Variants in SUSD1 observed in about 807,000 individuals in gnomAD.
SUSD1 encodes sushi domain containing 1.
SUSD1 carries 65 observed loss-of-function variants against 86.9 expected under a neutral mutation model. The ratio of observed to expected loss-of-function variants is 0.75; its 90% CI spans 0.61 to 0.92. The LOEUF (loss-of-function observed/expected upper bound fraction) is 0.92. Among genes scored for constraint, SUSD1 ranks in the 40% least tolerant of loss-of-function variants. The pLI is 0.00. For synonymous variants in SUSD1, 346 were observed against 350.0 expected (o/e 0.99, Z 0.13); for missense variants, 850 against 929.7 (o/e 0.91, Z 1.11).
chr9:112,081,614 G>A (rs182224786), intron 10 of SUSD1, among the ~76,000 whole-genome samples: 6 of 152,266 alleles, frequency 3.9e-5, no homozygotes, highest in African/African-American at 1.4e-4. Context: ...ACAAAAAGGT[G>A]GAAGGGTCCC....
chr9:112,085,248 C>A (rs911353102), intron 10 of SUSD1, among the ~76,000 whole-genome samples: 8 of 152,160 alleles, frequency 5.3e-5, no homozygotes, highest in Non-Finnish European at 1.0e-4. Context: ...TGCATTTCAC[C>A]TAGGAGAGAA....
At chr9:112,099,566 C>T (rs903904648) in intron 9 of SUSD1, among the ~76,000 whole-genome samples, 2 of 152,184 alleles carry the variant, frequency 1.3e-5, no homozygotes, top group Non-Finnish European at 2.9e-5. Flanking sequence ...GGAGTCATAT[C>T]ACACACTGTC....
chr9:112,143,656 T>C lies in SUSD1; in HGVS notation c.374-33A>G. On this transcript the variant is annotated intron_variant, in intron 3 of 16. Transcript: ENST00000374270. Reference sequence around the variant, plus strand: ...CCCAATCCAAATAGAGAAAAGGAGATAAAAACAGAAAAAAGAAAAAAAAAA... The same window carrying C: ...CCCAATCCAAATAGAGAAAAGGAGACAAAAACAGAAAAAAGAAAAAAAAAA... 3 of 1,539,688 alleles carry C rather than the reference T, an allele frequency of 1.9e-6. No individual in the cohort carries two copies. The Admixed American group carries it at 6.6e-5, about 34-fold the overall frequency.
intron 15 of SUSD1, among the ~76,000 whole-genome samples, chr9:112,042,321 T>C (rs1827778454): frequency 6.6e-6 from 1 of 152,342 alleles, no homozygotes; most frequent in South Asian, 2.1e-4. Flanking sequence ...CGTTTTCTTT[T>C]GCATGGAGGG....
At chr9:112,044,908 AACAT>A (rs1229575638) in intron 15 of SUSD1, among the ~76,000 whole-genome samples, 1 of 152,260 alleles carries the variant, frequency 6.6e-6, no homozygotes, top group African/African-American at 2.4e-5. Flanking sequence ...GCAAGAAGTT[AACAT>A]ACAGAGAGTG....
At chr9:112,050,662 C>A (rs1302388146) in intron 15 of SUSD1, among the ~76,000 whole-genome samples, 1 of 152,098 alleles carries the variant, frequency 6.6e-6, no homozygotes, top group Non-Finnish European at 1.5e-5. Context: ...AACTTGACAG[C>A]CTGTTGCTAG....
chr9:112,164,053 T>G (rs1589751604), intron 1 of SUSD1, among the ~76,000 whole-genome samples: 2 of 151,264 alleles, frequency 1.3e-5, no homozygotes, highest in Admixed American at 6.6e-5. Context: ...AGCTGGAAAA[T>G]GGCTATTTCA....
intron 8 of SUSD1, among the ~76,000 whole-genome samples, chr9:112,105,611 C>T (rs1830805517): frequency 6.6e-6 from 1 of 152,136 alleles, no homozygotes; most frequent in African/African-American, 2.4e-5. Context: ...CCCAGCCACT[C>T]AGGAGGCTGA....
At chr9:112,051,431 T>TTTTTTTTTTG (rs1828201117) in intron 15 of SUSD1, among the ~76,000 whole-genome samples, 2 of 109,766 alleles carry the variant, frequency 1.8e-5, no homozygotes, top group African/African-American at 6.8e-5. Flanking sequence ...TTTTTTTTTT[T>TTTTTTTTTTG]TTGTTGTTGT....
chr9:112,086,260 G>A (rs904196366), intron 10 of SUSD1, among the ~76,000 whole-genome samples: 4 of 149,234 alleles, frequency 2.7e-5, no homozygotes, highest in African/African-American at 9.9e-5. Flanking sequence ...CAAAGCTGCA[G>A]TGAGATGTGT....
chr9:112,152,749 A>ATT (rs1731913056), intron 2 of SUSD1, among the ~76,000 whole-genome samples: 5 of 78,264 alleles, frequency 6.4e-5, no homozygotes, highest in African/African-American at 2.9e-4. Flanking sequence ...ATTTTTTTTA[A>ATT]TCTTTTTTTT....
intron 1 of SUSD1, among the ~76,000 whole-genome samples, chr9:112,168,023 A>G (rs1311862984): frequency 6.6e-6 from 1 of 152,222 alleles, no homozygotes; most frequent in Non-Finnish European, 1.5e-5. Flanking sequence ...CCATGATTGA[A>G]TCATCTCTCC....
chr9:112,159,923 T>TA (rs557046092), intron 1 of SUSD1, among the ~76,000 whole-genome samples: 54 of 152,092 alleles, frequency 3.6e-4, no homozygotes, highest in African/African-American at 1.2e-3. Context: ...TCTCTTATTT[T>TA]AAAAAAGAAC....
intron 1 of SUSD1, among the ~76,000 whole-genome samples, chr9:112,166,562 C>T (rs79366322): frequency 5.5e-4 from 84 of 152,316 alleles, no homozygotes; most frequent in African/African-American, 1.9e-3. Context: ...AAAGGCAATA[C>T]TGAAAGAAGT....
intron 14 of SUSD1, among the ~76,000 whole-genome samples, chr9:112,057,553 A>G (rs1828506744): frequency 6.6e-6 from 1 of 152,166 alleles, no homozygotes; most frequent in African/African-American, 2.4e-5. Context: ...TTATTCCTCC[A>G]TTATTGTCAC....
intron 5 of SUSD1, among the ~76,000 whole-genome samples, chr9:112,141,742 ATT>A (rs1031593319): frequency 1.2e-4 from 15 of 128,178 alleles, no homozygotes; most frequent in African/African-American, 4.6e-4. Flanking sequence ...TATAATATAT[ATT>A]ACATGTAATA....
At chr9:112,073,956 C>T (rs1829402652) in intron 12 of SUSD1, among the ~76,000 whole-genome samples, 1 of 152,180 alleles carries the variant, frequency 6.6e-6, no homozygotes, top group South Asian at 2.1e-4. Flanking sequence ...GTGGCTCACA[C>T]CTGTGATCCC....
At chr9:112,140,548 A>AAAAAGG (rs1355269314) in intron 5 of SUSD1, among the ~76,000 whole-genome samples, 1 of 152,010 alleles carries the variant, frequency 6.6e-6, no homozygotes, top group Non-Finnish European at 1.5e-5. Flanking sequence ...AAAAGAAAGG[A>AAAAAGG]AAAAGGAAAA....
chr9:112,135,542 C>CT (rs1832225879), intron 5 of SUSD1, among the ~76,000 whole-genome samples: 1 of 152,106 alleles, frequency 6.6e-6, no homozygotes. Flanking sequence ...TTTGTTGATG[C>CT]TTTGAGCTGC....
Sources: gnomAD v4.1 joint callset for allele counts (sites outside exome capture counted in the v4.1 genomes callset) on GRCh38, gnomAD v4.1.1 for gene constraint, MANE v1.5 for transcripts, NCBI Gene and HGNC (gene_info 2026-07-23, HGNC 2026-07-21) for gene names.